LSS: variants seen among roughly 807,000 people sequenced by gnomAD.
The protein encoded by LSS is lanosterol synthase.
A neutral mutation model predicts 110.3 loss-of-function variants in LSS; 90 were observed. The ratio of observed to expected loss-of-function variants is 0.82; its 90% CI spans 0.69 to 0.97. The LOEUF is 0.97. Ranked by LOEUF, LSS falls within the 50% of genes least tolerant of loss-of-function variation. The pLI, the probability that LSS is intolerant of heterozygous loss-of-function variation, is 0.00. For synonymous variants in LSS, 433 were observed against 400.0 expected (o/e 1.08, Z -0.98); for missense variants, 927 against 990.0 (o/e 0.94, Z 0.85).
Position 46,195,735 on chromosome 21 carries a change from G to C in LSS, c.1758C>G (p.Thr586=), listed in dbSNP as rs754646104. ...SWEGSWGVCF[T]YGTWFGLEAF... ...CCTCCAGGCCAAACCAGGTGCCGTAGGTGAAGCAAACTCCCCAGGAGCTGG... is the reference window on the plus strand; with the variant it reads ...CCTCCAGGCCAAACCAGGTGCCGTACGTGAAGCAAACTCCCCAGGAGCTGG... Residue 586 remains threonine (T), a synonymous_variant, in exon 19 of 22, where the codon ACC becomes ACG. Transcript: ENST00000397728. The C allele has an allele frequency of 5.0e-6, 8 of 1,613,758 alleles. No homozygotes were observed. In the Admixed American group the frequency reaches 8.3e-5, roughly 17 times the overall value.
rs760774545 is a variant in LSS at position 46,207,508 on chromosome 21, C to A, written c.1387G>T (p.Ala463Ser). 6.2e-7 allele frequency: 1 copy of A among 1,612,328 alleles called. No homozygotes were observed. Among genetic ancestry groups the A allele is most frequent in the South Asian group, 1.1e-5 (1 of 90,700 alleles). The stretch of plus-strand genomic sequence containing the variant: ...CACTTCTCCTGCAGGAGCAGCACAG[C>A]CTTCAAGGCCTCAGCCGTGCAGTCA... ...VSDCTAEALK[A>S]VLLLQEKCPH... The change falls in exon 15 of 22, where the codon GCT (alanine) becomes TCT (serine). Residue 463 changes from alanine (A) to serine (S), a missense_variant. Ala to Ser is a moderately conservative substitution (Grantham distance 99, BLOSUM62 1). Transcript: ENST00000397728.
Position 46,209,427 on chromosome 21 carries a change from G to C in LSS, c.1266+127C>G. On this transcript the variant is annotated intron_variant, in intron 13 of 21. Transcript: ENST00000397728. The surrounding 1 kb of genome is among the most constrained non-coding windows in gnomAD (Gnocchi z 4.4). ...GGCTAGGGAGGGGATGGGAGGGTGGGGGTGACCTGAAACACCAGTGCAGGA... is the reference window on the plus strand; with the variant it reads ...GGCTAGGGAGGGGATGGGAGGGTGGCGGTGACCTGAAACACCAGTGCAGGA... The C allele has an allele frequency of 2.4e-6, 2 of 825,098 alleles. No individual in the cohort carries two copies. The highest frequency in any genetic ancestry group is 1.8e-5 in the South Asian group (1 of 55,536). 51.1% of individuals were successfully genotyped at this position (825,098 alleles called of 1,614,324 possible).
intron 17 of LSS, among the ~76,000 whole-genome samples, chr21:46,200,485 CAGG>C (rs1007560556): frequency 1.3e-5 from 2 of 151,878 alleles, no homozygotes; most frequent in Non-Finnish European, 2.9e-5. Flanking sequence ...TGGTAAGGTG[CAGG>C]AGAAGGCCCC....
At chr21:46,204,253 C>T (rs2080016960) in intron 17 of LSS, among the ~76,000 whole-genome samples, 1 of 152,096 alleles carries the variant, frequency 6.6e-6, no homozygotes, top group South Asian at 2.1e-4. Context: ...TGAGATCACG[C>T]CACTGCTCCC....
chr21:46,199,568 T>C (rs865828230), intron 17 of LSS, among the ~76,000 whole-genome samples: 2 of 152,248 alleles, frequency 1.3e-5, no homozygotes, highest in South Asian at 4.1e-4. Context: ...AGCAACTTTA[T>C]TCATAGTTGC....
rs2080054473 is a variant in LSS, at chr21:46,206,743, C to G, written c.1493G>C (p.Gly498Ala). The G allele has an allele frequency of 6.2e-7, 1 of 1,612,338 alleles. No homozygotes were observed. Among genetic ancestry groups the G allele is most frequent in the African/African-American group, 1.3e-5 (1 of 74,910 alleles). Residue 498 changes from glycine to alanine, a missense_variant, in exon 16 of 22, where the codon GGA becomes GCA. By Grantham distance (60) the Gly-to-Ala change is moderately conservative. Transcript: ENST00000397728. The stretch of plus-strand genomic sequence containing the variant: ...CTTGGTCTCATAGGTGGCGAACCCT[C>G]CATCTGGATTTCTCATGTTCAGCAG... ...AVLLNMRNPDGGFATYETKRG... is the reference protein window; with the variant it reads ...AVLLNMRNPDAGFATYETKRG...
chr21:46,217,190 G>A (rs2080217603), intron 6 of LSS, among the ~76,000 whole-genome samples: 1 of 148,806 alleles, frequency 6.7e-6, no homozygotes. Context: ...GTTGCAGTGA[G>A]CCGAGATTGT....
chr21:46,216,578 C>T lies in LSS; in HGVS notation c.648-54G>A. 1 of 1,488,196 alleles carries T rather than the reference C, an allele frequency of 6.7e-7. No homozygotes were observed. Among genetic ancestry groups the T allele is most frequent in the African/African-American group, 1.4e-5 (1 of 71,908 alleles). The allele number at this position is 1,488,196 out of a possible 1,614,324, so 92.2% of individuals were successfully genotyped here. A position where few individuals can be genotyped will look rare whatever the true frequency, so the allele number is the denominator to read the frequency against. ...ACCCCAAGACTCAAGCCTGCCCCCT[C>T]CGCCAGCATCCATACCTTGGGCCCT... On this transcript the variant is annotated intron_variant, in intron 6 of 21. Coordinates refer to ENST00000397728, the MANE Select transcript of LSS (RefSeq NM_002340.6). The surrounding 1 kb of genome is among the most constrained non-coding windows in gnomAD (Gnocchi z 4.2).
chr21:46,213,389 G>A (rs536523261), intron 10 of LSS, among the ~76,000 whole-genome samples: 4 of 152,326 alleles, frequency 2.6e-5, no homozygotes, highest in South Asian at 2.1e-4. Flanking sequence ...ACCATGGGAC[G>A]GCTCTCTGCC....
chr21:46,203,485 G>A (rs1222058160), intron 17 of LSS, among the ~76,000 whole-genome samples: 2 of 152,246 alleles, frequency 1.3e-5, no homozygotes, highest in African/African-American at 2.4e-5. Flanking sequence ...GAGGAGGGGC[G>A]ACTTAGCTTC....
chr21:46,215,511 A>C (rs2080191953), intron 8 of LSS, among the ~76,000 whole-genome samples, 174 bp downstream of exon 8: 1 of 151,502 alleles, frequency 6.6e-6, no homozygotes, highest in Non-Finnish European at 1.5e-5. Flanking sequence ...TCCTGAGAGT[A>C]GAAGACCAGC....
chr21:46,215,802 G>C lies in LSS; in HGVS notation c.784-9C>G, dbSNP rs567437873. ...TCCTCCACATAGAGCTCCTGGTGGG[G>C]GCAGTGTCTGAGCCTTGGGGCCTGG... On this transcript the variant is annotated splice_polypyrimidine_tract_variant and intron_variant, in intron 7 of 21. Transcript: ENST00000397728. The C allele has an allele frequency of 3.8e-6, 6 of 1,581,378 alleles. No homozygotes were observed. In the East Asian group the frequency reaches 1.3e-4, roughly 35 times the overall value.
At chr21:46,227,346 G>A (rs148720870) in intron 3 of LSS, 9 of 586,724 alleles carry the variant, frequency 1.5e-5, no homozygotes, top group East Asian at 1.1e-4. Flanking sequence ...TCTTATCAGA[G>A]AGCCTGTCAC....
At chr21:46,224,046 G>A (rs1242631071) in intron 3 of LSS, among the ~76,000 whole-genome samples, 3 of 152,198 alleles carry the variant, frequency 2.0e-5, no homozygotes, top group African/African-American at 7.2e-5. Flanking sequence ...CTGTGATGCT[G>A]TGCTTCAGTG....
At chr21:46,224,638 C>T (rs1047505639) in intron 3 of LSS, 2 of 152,144 alleles carry the variant, frequency 1.3e-5, no homozygotes, top group African/African-American at 4.8e-5. Context: ...CCAGCATCTT[C>T]CTGATTTTAC....
At chr21:46,192,140 C>G (rs2035766527) in intron 20 of LSS, 181 bp from the exon 21 acceptor site, 2 of 627,776 alleles carry the variant, frequency 3.2e-6, no homozygotes, top group Non-Finnish European at 5.7e-6. Context: ...GCCACACCTT[C>G]TTCCTAGGCT....
chr21:46,215,318 G>A lies in LSS; in HGVS notation c.893-20C>T. 2 of 1,513,602 alleles carry A rather than the reference G, an allele frequency of 1.3e-6. No individual in the cohort carries two copies. Among genetic ancestry groups the A allele is most frequent in the Non-Finnish European group, 1.8e-6 (2 of 1,100,052 alleles). 93.8% of individuals were successfully genotyped at this position (1,513,602 alleles called of 1,614,324 possible). On this transcript the variant is annotated intron_variant, in intron 8 of 21. Transcript: ENST00000397728. ...GGAGCGCTACAGGGGACAGGGGTCAGTGGATGCCAGACACCATGACACTGG... is the reference window on the plus strand; with the variant it reads ...GGAGCGCTACAGGGGACAGGGGTCAATGGATGCCAGACACCATGACACTGG...
chr21:46,193,214 A>T (rs1173949128), intron 20 of LSS: 1 of 442,776 alleles, frequency 2.3e-6, no homozygotes, highest in African/African-American at 2.2e-5. Context: ...CTGTGGGTGT[A>T]TCTGCATGTG....
In LSS at chr21:46,210,692, A is replaced by G; in HGVS notation, c.1190T>C (p.Leu397Pro). 6.2e-7 allele frequency: 1 copy of G among 1,613,966 alleles called. No homozygotes were observed. The highest frequency in any genetic ancestry group is 1.1e-5 in the South Asian group (1 of 91,054). ...AAAAGAGAAGGAGCCACGAACCTCAAGCAGAGCCTGGATGGCGAATGCGGT... is the reference window on the plus strand; with the variant it reads ...AAAAGAGAAGGAGCCACGAACCTCAGGCAGAGCCTGGATGGCGAATGCGGT... ...WDTAFAIQAL[L>P]EAGGHHRPEF... Residue 397 changes from leucine (L) to proline (P), a missense_variant, in exon 12 of 22, where the codon CTT (leucine) becomes CCT (proline). Coordinates refer to ENST00000397728, the MANE Select transcript of LSS (RefSeq NM_002340.6).
Sources: allele counts gnomAD v4.1 joint callset (sites outside exome capture counted in the v4.1 genomes callset), GRCh38; gene constraint gnomAD v4.1.1; non-coding constraint Gnocchi (gnomAD v3.1); transcripts MANE v1.5; gene names NCBI Gene and HGNC (gene_info 2026-07-23, HGNC 2026-07-21).